The following ZNF385D variants were observed in gnomAD, a reference collection of about 807,000 sequenced individuals.
ZNF385D encodes zinc finger protein 659.
A neutral mutation model predicts 35.8 loss-of-function variants in ZNF385D; 15 were observed. The ratio of observed to expected loss-of-function variants is 0.42; its 90% CI spans 0.28 to 0.64. The LOEUF (loss-of-function observed/expected upper bound fraction) is 0.64. Among genes scored for constraint, ZNF385D ranks in the 30% least tolerant of loss-of-function variants. The pLI, the probability that ZNF385D is intolerant of heterozygous loss-of-function variation, is 0.23. For synonymous variants in ZNF385D, 212 were observed against 186.8 expected, an observed-to-expected ratio of 1.13 and a Z score of -1.10; for missense variants, 474 against 494.6, an observed-to-expected ratio of 0.96 and a Z score of 0.39.
chr3:22,131,499 G>A (rs1255988932), intron 3 of ZNF385D, among the ~76,000 whole-genome samples: 1 of 152,092 alleles, frequency 6.6e-6, no homozygotes, highest in African/African-American at 2.4e-5. Context: ...AAAGAATAGT[G>A]TATTTTCATA....
intron 3 of ZNF385D, among the ~76,000 whole-genome samples, chr3:21,783,074 A>T: frequency 6.6e-6 from 1 of 152,076 alleles, no homozygotes; most frequent in South Asian, 2.1e-4. Flanking sequence ...ACTGATCACT[A>T]CTCTCCTGAT....
chr3:22,122,576 G>A (rs539119694), intron 3 of ZNF385D, among the ~76,000 whole-genome samples: 1 of 152,120 alleles, frequency 6.6e-6, no homozygotes, highest in Non-Finnish European at 1.5e-5. Flanking sequence ...CTCTGCATTT[G>A]TAGAGCTTAA....
chr3:21,938,108 A>T (rs1223480760), intron 3 of ZNF385D, among the ~76,000 whole-genome samples: 1 of 152,232 alleles, frequency 6.6e-6, no homozygotes, highest in Non-Finnish European at 1.5e-5. Context: ...AATATTGTAG[A>T]CAATTAGAAT....
intron 2 of ZNF385D, among the ~76,000 whole-genome samples, chr3:22,359,758 TCCTATA>T (rs1696329531): frequency 6.6e-6 from 1 of 151,880 alleles, no homozygotes; most frequent in South Asian, 2.1e-4. Context: ...GGAAATAGTG[TCCTATA>T]CAGATAGTAT....
intron 2 of ZNF385D, among the ~76,000 whole-genome samples, chr3:21,581,411 C>T (rs946974936): frequency 1.3e-5 from 2 of 152,072 alleles, no homozygotes; most frequent in Admixed American, 1.3e-4. Flanking sequence ...ATTCTAGTGC[C>T]ATGTGATTTA....
chr3:22,367,518 G>A (rs1696709774), intron 2 of ZNF385D, among the ~76,000 whole-genome samples: 1 of 152,096 alleles, frequency 6.6e-6, no homozygotes. Context: ...TACATTCCAG[G>A]TGATCTGGAT....
chr3:21,562,133 C>T (rs960898567), intron 3 of ZNF385D: 1 of 152,032 alleles, frequency 6.6e-6, no homozygotes, highest in Non-Finnish European at 1.5e-5. Flanking sequence ...GCCAGTTGTC[C>T]CTAATAAATA....
intron 2 of ZNF385D, among the ~76,000 whole-genome samples, chr3:22,253,083 G>A (rs866591008): frequency 2.6e-5 from 4 of 152,022 alleles, no homozygotes; most frequent in South Asian, 2.1e-4. Context: ...CAAAGGAGAA[G>A]GTGTTTTGGA....
chr3:21,928,072 AAGTT>A (rs1262679186), intron 3 of ZNF385D, among the ~76,000 whole-genome samples: 2 of 151,898 alleles, frequency 1.3e-5, no homozygotes, highest in African/African-American at 4.8e-5. Context: ...AAAAATAAAA[AAGTT>A]AGCCGGCTGT....
rs74722597 is a variant in ZNF385D at position 21,716,178 on chromosome 3, T to C, written c.22+34717A>G. Among the ~76,000 whole-genome samples the C allele has an allele frequency of 8.3e-4, 126 of 152,304 alleles. 2 individuals carry two copies. The East Asian group carries it at 0.022, about 27-fold the overall frequency. Reference sequence around the variant, plus strand: ...ATACGTGGCACCATCAAGCCTCATCTGAAATATTTTGATAGCTTTGTAGCT... The same window carrying C: ...ATACGTGGCACCATCAAGCCTCATCCGAAATATTTTGATAGCTTTGTAGCT... On this transcript the variant is annotated intron_variant, in intron 1 of 7. Coordinates refer to ENST00000281523, the MANE Select transcript of ZNF385D (RefSeq NM_024697.3).
At chr3:21,710,943 T>C (rs1206622044) in intron 1 of ZNF385D, among the ~76,000 whole-genome samples, 2 of 151,762 alleles carry the variant, frequency 1.3e-5, no homozygotes, top group Non-Finnish European at 2.9e-5. Flanking sequence ...AAATGCTCTC[T>C]GATTTTCCCC....
chr3:22,104,295 C>G (rs1024349224), intron 3 of ZNF385D, among the ~76,000 whole-genome samples: 1 of 152,034 alleles, frequency 6.6e-6, no homozygotes, highest in African/African-American at 2.4e-5. Context: ...CTAAAATTCA[C>G]TGAGTGTGTC....
chr3:21,551,466 AT>A (rs1295199707), intron 3 of ZNF385D, among the ~76,000 whole-genome samples: 1 of 152,214 alleles, frequency 6.6e-6, no homozygotes, highest in East Asian at 1.9e-4. Flanking sequence ...TAACACTTAG[AT>A]GCTACAATCT....
At chr3:21,680,144 C>T (rs2066854271) in intron 1 of ZNF385D, among the ~76,000 whole-genome samples, 1 of 152,066 alleles carries the variant, frequency 6.6e-6, no homozygotes, top group South Asian at 2.1e-4. Context: ...GTCACCTCTT[C>T]TCTCTTGGCT....
At chr3:22,080,247 G>A (rs1290106025) in intron 3 of ZNF385D, among the ~76,000 whole-genome samples, 1 of 152,112 alleles carries the variant, frequency 6.6e-6, no homozygotes, top group African/African-American at 2.4e-5. Context: ...TACTGACACA[G>A]TAGAGTCTAA....
intron 4 of ZNF385D, among the ~76,000 whole-genome samples, chr3:21,494,190 T>G (rs1450685537): frequency 6.6e-6 from 1 of 152,198 alleles, no homozygotes; most frequent in Non-Finnish European, 1.5e-5. Context: ...AATAATAGCA[T>G]GATTTTTATT....
chr3:21,716,329 A>G (rs770900915), intron 1 of ZNF385D, among the ~76,000 whole-genome samples: 12 of 152,220 alleles, frequency 7.9e-5, no homozygotes, highest in Admixed American at 4.6e-4. Context: ...CTGAGTGACA[A>G]CAAAGGCCTT....
intron 1 of ZNF385D, among the ~76,000 whole-genome samples, chr3:21,710,088 G>C (rs905180375): frequency 2.0e-5 from 3 of 152,086 alleles, no homozygotes; most frequent in Non-Finnish European, 4.4e-5. Flanking sequence ...TTTTAGAAAA[G>C]GTAAAACTAC....
At chr3:21,451,875 G>T (rs1470993378) in intron 4 of ZNF385D, among the ~76,000 whole-genome samples, 1 of 152,058 alleles carries the variant, frequency 6.6e-6, no homozygotes, top group Non-Finnish European at 1.5e-5. Context: ...GCCATTATCA[G>T]CATCAAGATT....
Sources: gnomAD v4.1 joint callset for allele counts (sites outside exome capture counted in the v4.1 genomes callset) on GRCh38, gnomAD v4.1.1 for gene constraint, MANE v1.5 for transcripts, NCBI Gene and HGNC (gene_info 2026-07-23, HGNC 2026-07-21) for gene names.